PLEKHA7: variants seen among roughly 807,000 people sequenced by gnomAD.
PLEKHA7 encodes the protein pleckstrin homology domain-containing family A member 7.
In PLEKHA7, 104 loss-of-function variants were observed where a neutral mutation model predicts 170.0. The ratio of observed to expected loss-of-function variants is 0.61; its 90% CI spans 0.52 to 0.72. The LOEUF (loss-of-function observed/expected upper bound fraction) is 0.72, where lower values mean the gene tolerates loss of function less well. Ranked by LOEUF, PLEKHA7 falls within the 30% of genes least tolerant of loss-of-function variation. The pLI, the probability that PLEKHA7 is intolerant of heterozygous loss-of-function variation, is 0.00. For missense variants in PLEKHA7, 1,615 were observed against 1,671.7 expected (o/e 0.97, Z 0.59); for synonymous variants, 648 against 660.8 (o/e 0.98, Z 0.30).
chr11:16,962,407 G>A (rs188887323), intron 3 of PLEKHA7, among the ~76,000 whole-genome samples: 14 of 152,216 alleles, frequency 9.2e-5, no homozygotes, highest in African/African-American at 2.9e-4. Context: ...CAACACTCAC[G>A]ACCCAAAACC....
At chr11:16,950,288 T>C (rs1006484539) in intron 3 of PLEKHA7, among the ~76,000 whole-genome samples, 1 of 152,086 alleles carries the variant, frequency 6.6e-6, no homozygotes, top group African/African-American at 2.4e-5. Flanking sequence ...AATTAAGGCA[T>C]ACTAGCCTTC....
chr11:16,811,901 C>G (rs1210364498), intron 13 of PLEKHA7, among the ~76,000 whole-genome samples: 1 of 152,174 alleles, frequency 6.6e-6, no homozygotes, highest in African/African-American at 2.4e-5. Flanking sequence ...CTCAACCAGC[C>G]CCAGCACCCC....
chr11:16,785,023 C>T (rs1849302663), intron 24 of PLEKHA7, among the ~76,000 whole-genome samples: 1 of 152,190 alleles, frequency 6.6e-6, no homozygotes, highest in East Asian at 1.9e-4. Flanking sequence ...GGTCTTGGGG[C>T]AGGGGACCAG....
intron 14 of PLEKHA7, 87 bp from the exon 15 acceptor site, chr11:16,803,139 G>T: frequency 6.4e-7 from 1 of 1,564,070 alleles, no homozygotes. Flanking sequence ...TTTGGCTACA[G>T]AACCATCCAA....
At chr11:16,857,023 C>G (rs150053092) in intron 4 of PLEKHA7, among the ~76,000 whole-genome samples, 1 of 152,320 alleles carries the variant, frequency 6.6e-6, no homozygotes, top group East Asian at 1.9e-4. Context: ...GCTGACGAAG[C>G]AACACTCATA....
intron 8 of PLEKHA7, among the ~76,000 whole-genome samples, chr11:16,843,710 C>T (rs1247233595): frequency 1.3e-5 from 2 of 152,138 alleles, no homozygotes; most frequent in South Asian, 2.1e-4. Context: ...GAAGCCAAGG[C>T]GGGTAGATCA....
At chr11:16,906,327 A>ACGGTCTCCCCCTGATGCCGAGC (rs1857694937) in intron 3 of PLEKHA7, among the ~76,000 whole-genome samples, 1 of 123,278 alleles carries the variant, frequency 8.1e-6, no homozygotes, top group East Asian at 2.1e-4. Flanking sequence ...CCCTCCTCTC[A>ACGGTCTCCCCCTGATGCCGAGC]CTCTCCCTCT....
intron 1 of PLEKHA7, 37 bp downstream of exon 1, chr11:17,014,279 A>ACCCGCGTC (rs1035825704): frequency 6.1e-5 from 63 of 1,028,592 alleles, no homozygotes; most frequent in Non-Finnish European, 6.7e-5. Context: ...CCGCGCCCCC[A>ACCCGCGTC]CCCGCGTCCC....
Position 16,782,835 on chromosome 11 carries a change from G to GC in PLEKHA7, c.3711dup (p.Gln1238AlafsTer23). ...ATGATGCGCTCCTGCTCCTGCAGCT[G>GC]CAAGTCCAGGTCAGCCACACTGTTC... On this transcript the variant is annotated frameshift_variant, in exon 26 of 27. Coordinates refer to ENST00000531066, the MANE Select transcript of PLEKHA7 (RefSeq NM_001329630.2). LOFTEE classifies it high-confidence loss of function. 2.0e-6 allele frequency: 3 copies of GC among 1,536,182 alleles called. No individual in the cohort carries two copies. Among genetic ancestry groups the GC allele is most frequent in the South Asian group, 2.4e-5 (2 of 84,064 alleles).
intron 3 of PLEKHA7, among the ~76,000 whole-genome samples, chr11:16,983,197 GAGA>G (rs1462773595): frequency 2.0e-5 from 3 of 152,202 alleles, no homozygotes; most frequent in African/African-American, 7.2e-5. Flanking sequence ...AGTCAGAGCA[GAGA>G]AGATTTCAGC....
chr11:17,014,043 A>C lies in PLEKHA7; in HGVS notation c.167T>G (p.Leu56Arg). The part of the protein sequence containing the change: ...VNSGHMIRSD[L>R]PRGWEEGFTE... The stretch of plus-strand genomic sequence containing the variant: ...GAAGCCCTCCTCCCAGCCGCGGGGC[A>C]GGTCTGCGGAAACGCCAGAAAAGTC... The change falls in exon 3 of 27, where the codon CTG becomes CGG. Residue 56 changes from leucine (L) to arginine (R), a missense_variant. Leu to Arg is a moderately radical substitution (Grantham distance 102, BLOSUM62 -2). Transcript: ENST00000531066. 6.4e-7 allele frequency: 1 copy of C among 1,560,900 alleles called. No individual in the cohort carries two copies. Among genetic ancestry groups the C allele is most frequent in the Non-Finnish European group, 8.7e-7 (1 of 1,153,694 alleles).
chr11:16,778,010 C>T lies in PLEKHA7; in HGVS notation c.*988G>A, dbSNP rs555532284. ...GCAGGCTGGGCGTGGTGGCTCACGG[C>T]TGTAATCCCAACACTTTGGGATGCT... On this transcript the variant is annotated 3_prime_UTR_variant, in exon 27 of 27. Transcript: ENST00000531066. 2 of 152,346 alleles carry T rather than the reference C, an allele frequency of 1.3e-5. No homozygotes were observed. The highest frequency in any genetic ancestry group is 2.9e-5 in the Non-Finnish European group (2 of 68,046). The allele number at this position is 152,346 out of a possible 1,614,324, so 9.4% of individuals were successfully genotyped here.
chr11:16,869,466 G>T (rs140431163), intron 4 of PLEKHA7, among the ~76,000 whole-genome samples: 80 of 152,342 alleles, frequency 5.3e-4, no homozygotes, highest in African/African-American at 1.6e-3. Context: ...AAATGGTGAT[G>T]GTCTATCTCT....
intron 4 of PLEKHA7, among the ~76,000 whole-genome samples, chr11:16,862,834 G>T (rs1349075057): frequency 6.6e-6 from 1 of 152,198 alleles, no homozygotes; most frequent in Non-Finnish European, 1.5e-5. Context: ...TCAAGTTTCT[G>T]CATCTGCTTG....
chr11:16,783,844 G>A lies in PLEKHA7; in HGVS notation c.3517-11C>T. The A allele has an allele frequency of 6.9e-7, 1 of 1,447,498 alleles. No homozygotes were observed. Among genetic ancestry groups the A allele is most frequent in the African/African-American group, 1.4e-5 (1 of 69,252 alleles). The allele number at this position is 1,447,498 out of a possible 1,614,324, so 89.7% of individuals were successfully genotyped here. A position where few individuals can be genotyped will look rare whatever the true frequency, so the allele number is the denominator to read the frequency against. ...CTCTGGTTTGGACAGCTGGGGAGAG[G>A]CCAGGAGGTGGCAGAGGGAGAGGCT... is the stretch of plus-strand genomic sequence containing the variant. On this transcript the variant is annotated splice_polypyrimidine_tract_variant and intron_variant, in intron 24 of 26. Transcript: ENST00000531066.
intron 3 of PLEKHA7, among the ~76,000 whole-genome samples, chr11:16,931,275 G>A (rs1859902923): frequency 1.3e-5 from 2 of 152,104 alleles, no homozygotes; most frequent in Admixed American, 1.3e-4. Context: ...GTGAGCCCAG[G>A]AATCTGCATT....
chr11:16,852,856 A>C (rs570898375), intron 6 of PLEKHA7, among the ~76,000 whole-genome samples: 1 of 152,218 alleles, frequency 6.6e-6, no homozygotes, highest in Non-Finnish European at 1.5e-5. Context: ...CCTTCCATTC[A>C]ATATAAAAGA....
At chr11:16,953,973 T>G (rs145565149) in intron 3 of PLEKHA7, among the ~76,000 whole-genome samples, 1 of 152,154 alleles carries the variant, frequency 6.6e-6, no homozygotes, top group East Asian at 1.9e-4. Flanking sequence ...CAGAAACTTA[T>G]ATAAAGTTCA....
At chr11:17,014,243 G>T (rs776755729) in intron 1 of PLEKHA7, 42 bp from the exon 2 acceptor site, 21 of 1,422,480 alleles carry the variant, frequency 1.5e-5, no homozygotes, top group Non-Finnish European at 1.9e-5. Flanking sequence ...GCCACAGCCC[G>T]CCGGGTGCCC....
Sources: allele counts gnomAD v4.1 joint callset (sites outside exome capture counted in the v4.1 genomes callset), GRCh38; gene constraint gnomAD v4.1.1; transcripts MANE v1.5; gene names NCBI Gene and HGNC (gene_info 2026-07-23, HGNC 2026-07-21).